The following ZC4H2 variants were observed in gnomAD, a reference collection of about 807,000 sequenced individuals.
ZC4H2 encodes the protein zinc finger C4H2 domain-containing protein.
For missense variants in ZC4H2, 137 were observed against 173.9 expected, an observed-to-expected ratio of 0.79 and a Z score of 1.19; for synonymous variants, 84 against 66.3, an observed-to-expected ratio of 1.27 and a Z score of -1.30.
chrX:64,924,357 C>T (rs933907354), intron 1 of ZC4H2, among the ~76,000 whole-genome samples: 3 of 112,071 alleles, frequency 2.7e-5, no homozygotes, highest in Non-Finnish European at 5.6e-5. Context: ...AATATATATT[C>T]AGTCAATAAT....
chrX:64,941,565 C>T (rs1238737939), intron 1 of ZC4H2, among the ~76,000 whole-genome samples: 1 of 111,701 alleles, frequency 9.0e-6, no homozygotes, highest in Non-Finnish European at 1.9e-5. Context: ...GAGATATGTT[C>T]CATCAATACC....
intron 1 of ZC4H2, among the ~76,000 whole-genome samples, chrX:65,005,946 CAT>C (rs1932648413): frequency 9.0e-6 from 1 of 110,842 alleles, no homozygotes; most frequent in African/African-American, 3.3e-5. Flanking sequence ...AGCCAACAAA[CAT>C]ATGAAAAAAA....
chrX:65,013,353 C>A (rs758914699), intron 1 of ZC4H2, among the ~76,000 whole-genome samples: 7 of 111,686 alleles, frequency 6.3e-5, no homozygotes, highest in Non-Finnish European at 1.3e-4. Flanking sequence ...GTATCCATTT[C>A]TCTGTGTAAT....
At chrX:65,028,277 A>C (rs1281630258) in intron 1 of ZC4H2, among the ~76,000 whole-genome samples, 2 of 111,720 alleles carry the variant, frequency 1.8e-5, no homozygotes, top group African/African-American at 6.5e-5. Flanking sequence ...ATTTATTGAG[A>C]GCCTACTATG....
At chrX:65,013,068 G>A (rs1932772658) in intron 1 of ZC4H2, among the ~76,000 whole-genome samples, 1 of 111,368 alleles carries the variant, frequency 9.0e-6, no homozygotes, top group Non-Finnish European at 1.9e-5. Flanking sequence ...AAAATCTCAG[G>A]CGTGCTAGCA....
intron 1 of ZC4H2, among the ~76,000 whole-genome samples, chrX:64,950,498 T>C (rs748714524): frequency 1.8e-5 from 2 of 111,390 alleles, no homozygotes; most frequent in East Asian, 5.7e-4. Context: ...TCTTTCTAGG[T>C]CTCTAAGGAC....
intron 1 of ZC4H2, among the ~76,000 whole-genome samples, chrX:65,011,395 T>C (rs759154051): frequency 3.1e-4 from 35 of 111,463 alleles, no homozygotes; most frequent in Non-Finnish European, 5.8e-4. Flanking sequence ...TCTTATGTGA[T>C]TCTGGTCTGT....
chrX:64,981,940 G>A (rs1602436713), intron 1 of ZC4H2, among the ~76,000 whole-genome samples: 1 of 110,837 alleles, frequency 9.0e-6, no homozygotes, highest in Middle Eastern at 4.6e-3. Flanking sequence ...GTTTTTGATG[G>A]CTTTATGTCA....
chrX:64,979,987 A>G (rs752923255), upstream of ZC4H2, among the ~76,000 whole-genome samples: 1 of 112,098 alleles, frequency 8.9e-6, no homozygotes, highest in Non-Finnish European at 1.9e-5. Context: ...GGAGGCCAGA[A>G]TATTGAATTC....
At chrX:64,943,046 T>C (rs1930365142) in intron 1 of ZC4H2, among the ~76,000 whole-genome samples, 1 of 112,169 alleles carries the variant, frequency 8.9e-6, no homozygotes, top group Non-Finnish European at 1.9e-5. Flanking sequence ...TGGTATCTCA[T>C]TGTGGTTTTG....
Position 64,917,832 on chromosome X carries a change from T to C in ZC4H2, c.626A>G (p.Lys209Arg). The stretch of plus-strand genomic sequence containing the variant: ...CTTTTTGGGGTTCCGGGACCGACTC[T>C]TGGCCTTGCAAAGAGGGCATATAGG... The part of the protein sequence containing the change: ...NAPICPLCKA[K>R]SRSRNPKKPK... The change falls in exon 5 of 5, where the codon AAG (lysine) becomes AGG (arginine). Residue 209 changes from lysine to arginine, a missense_variant. By Grantham distance (26) the Lys-to-Arg change is conservative. Coordinates refer to ENST00000374839, the MANE Select transcript of ZC4H2 (RefSeq NM_018684.4). 8.3e-7 allele frequency: 1 copy of C among 1,211,288 alleles called. No homozygotes were observed. Among genetic ancestry groups the C allele is most frequent in the Non-Finnish European group, 1.1e-6 (1 of 895,343 alleles).
intron 1 of ZC4H2, among the ~76,000 whole-genome samples, chrX:64,973,380 T>C (rs1212797246): frequency 9.0e-6 from 1 of 110,902 alleles, no homozygotes; most frequent in Non-Finnish European, 1.9e-5. Flanking sequence ...ATTTATTTAA[T>C]AGTCTTCTGA....
rs1930123647 is a variant in ZC4H2, at chrX:64,938,596, T to G, written c.54-16608A>C. ...AAAAAGCTTATCCACTACGATCAAGTTGGCTCCATACCTGGGATGCAAAGT... is the reference window on the plus strand; with the variant it reads ...AAAAAGCTTATCCACTACGATCAAGGTGGCTCCATACCTGGGATGCAAAGT... On this transcript the variant is annotated intron_variant, in intron 1 of 4. Coordinates refer to ENST00000374839, the MANE Select transcript of ZC4H2 (RefSeq NM_018684.4). Among the ~76,000 whole-genome samples the G allele has an allele frequency of 2.7e-5, 3 of 111,963 alleles. No individual in the cohort carries two copies. The South Asian group carries it at 1.1e-3, about 42-fold the overall frequency.
At chrX:64,999,653 T>A (rs1932495499) in intron 1 of ZC4H2, among the ~76,000 whole-genome samples, 1 of 112,241 alleles carries the variant, frequency 8.9e-6, no homozygotes, top group Non-Finnish European at 1.9e-5. Context: ...GCTCAGCAGA[T>A]CCCACTCCCA....
intron 1 of ZC4H2, among the ~76,000 whole-genome samples, chrX:64,924,382 T>C (rs760833314): frequency 8.9e-6 from 1 of 112,373 alleles, no homozygotes; most frequent in African/African-American, 3.2e-5. Flanking sequence ...TATTGAATAC[T>C]TATCATGTGC....
At chrX:65,003,441 C>T (rs964341051) in intron 1 of ZC4H2, among the ~76,000 whole-genome samples, 2 of 111,374 alleles carry the variant, frequency 1.8e-5, no homozygotes, top group Non-Finnish European at 3.8e-5. Context: ...CAGAGCAGAA[C>T]TGAAAGAGAT....
At position 64,917,082 on chromosome X, in the gene ZC4H2, A is replaced by T. The variant is rs1305227845; in HGVS notation, c.*701T>A. On this transcript the variant is annotated 3_prime_UTR_variant, in exon 5 of 5. Coordinates refer to ENST00000374839, the MANE Select transcript of ZC4H2 (RefSeq NM_018684.4). ...TCTGGCTCACTGATTTCACTGTGGA[A>T]ATCTTCTACTAGAATTTGCAAAGAC... is the stretch of plus-strand genomic sequence containing the variant. The T allele has an allele frequency of 1.8e-5, 2 of 111,902 alleles. No individual in the cohort carries two copies. Among genetic ancestry groups the T allele is most frequent in the African/African-American group, 3.3e-5 (1 of 30,658 alleles). The allele number at this position is 111,902 out of a possible 1,213,427, so 9.2% of individuals were successfully genotyped here.
chrX:64,958,170 G>A (rs889250526), intron 1 of ZC4H2, among the ~76,000 whole-genome samples: 2 of 112,245 alleles, frequency 1.8e-5, no homozygotes, highest in Admixed American at 9.4e-5. Context: ...CAAGTATCAT[G>A]TACTGTAGAT....
chrX:64,976,406 G>A lies in ZC4H2; in HGVS notation c.-29C>T. On this transcript the variant is annotated 5_prime_UTR_variant, in exon 1 of 5. Coordinates refer to ENST00000374839, the MANE Select transcript of ZC4H2 (RefSeq NM_018684.4). ...TTTCACTGTCAATTTCACGTCCCGAGAGATGTACAAATACACCAGCCAAGG... is the reference window on the plus strand; with the variant it reads ...TTTCACTGTCAATTTCACGTCCCGAAAGATGTACAAATACACCAGCCAAGG... 1 of 1,199,923 alleles carries A rather than the reference G, an allele frequency of 8.3e-7. No individual in the cohort carries two copies. The highest frequency in any genetic ancestry group is 2.2e-5 in the Admixed American group (1 of 46,043).
Sources: allele counts gnomAD v4.1 joint callset (sites outside exome capture counted in the v4.1 genomes callset), GRCh38; gene constraint gnomAD v4.1.1; transcripts MANE v1.5; gene names NCBI Gene and HGNC (gene_info 2026-07-23, HGNC 2026-07-21).